The following HDDC2 variants were observed in gnomAD, a reference collection of about 807,000 sequenced individuals.
HDDC2 encodes the protein 5'-deoxynucleotidase HDDC2.
Under a neutral mutation model 25.5 loss-of-function variants are expected in HDDC2, and 25 were observed. The ratio of observed to expected loss-of-function variants is 0.98; its 90% confidence interval spans 0.72 to 1.37. The LOEUF is 1.37. Ranked by LOEUF, HDDC2 falls within the 40% of genes most tolerant of loss-of-function variation. HDDC2 has a pLI of 0.00. For synonymous variants in HDDC2, 106 were observed against 89.7 expected (o/e 1.18, Z -1.03); for missense variants, 264 against 253.1 (o/e 1.04, Z -0.29).
intron 3 of HDDC2, among the ~76,000 whole-genome samples, chr6:125,295,220 G>C (rs1798691811): frequency 6.6e-6 from 1 of 152,188 alleles, no homozygotes. Context: ...TAGATTTAGA[G>C]TGACAGCTTC....
chr6:125,301,737 G>C (rs940452904), intron 1 of HDDC2, 112 bp downstream of exon 1: 94 of 723,908 alleles, frequency 1.3e-4, no homozygotes, highest in Non-Finnish European at 1.9e-4. Context: ...TCGGCGTGGC[G>C]GACGCGGCGC....
chr6:125,283,589 C>T (rs567842145), intron 4 of HDDC2, among the ~76,000 whole-genome samples: 1 of 152,026 alleles, frequency 6.6e-6, no homozygotes, highest in African/African-American at 2.4e-5. Context: ...GAATAAAATA[C>T]CTAGGAATAT....
chr6:125,286,909 G>A (rs2115107424), intron 4 of HDDC2, among the ~76,000 whole-genome samples: 1 of 152,268 alleles, frequency 6.6e-6, no homozygotes, highest in South Asian at 2.1e-4. Flanking sequence ...AAGCCCCAAA[G>A]TATTAAGGGA....
At chr6:125,287,704 C>T (rs925170849) in intron 4 of HDDC2, among the ~76,000 whole-genome samples, 5 of 151,980 alleles carry the variant, frequency 3.3e-5, no homozygotes, top group African/African-American at 4.8e-5. Flanking sequence ...AAAAGAAGGC[C>T]GAGGACATGG....
At position 125,298,837 on chromosome 6, in the gene HDDC2, G is replaced by A. The variant is rs762924063; in HGVS notation, c.207-21C>T. ...CACATCTGATCAGGCAAGAAATGTC[G>A]AATAATTACACAGAATTATATTTAC... On this transcript the variant is annotated intron_variant, in intron 2 of 5. Coordinates refer to ENST00000398153, the MANE Select transcript of HDDC2 (RefSeq NM_016063.3). 51 of 1,510,696 alleles carry A rather than the reference G, an allele frequency of 3.4e-5. 1 individual carries two copies. Among genetic ancestry groups the A allele is most frequent in the South Asian group, 2.9e-4 (26 of 88,926 alleles). 93.6% of individuals were successfully genotyped at this position (1,510,696 alleles called of 1,614,324 possible).
intron 4 of HDDC2, among the ~76,000 whole-genome samples, chr6:125,285,601 A>G (rs1798522728): frequency 1.3e-5 from 2 of 152,156 alleles, no homozygotes; most frequent in African/African-American, 4.8e-5. Flanking sequence ...AAAAAAGAAT[A>G]GCAAAGCAAA....
intron 1 of HDDC2, 149 bp from the exon 2 acceptor site, chr6:125,300,808 T>C: frequency 1.4e-6 from 1 of 711,420 alleles, no homozygotes; most frequent in East Asian, 2.8e-5. Flanking sequence ...CTAGCTAAAA[T>C]GATAGACATC....
At chr6:125,296,874 T>C (rs73772434) in intron 3 of HDDC2, among the ~76,000 whole-genome samples, 2,920 of 152,296 alleles carry the variant, frequency 0.019, 88 homozygotes, top group African/African-American at 0.067. Flanking sequence ...TCGTAGGTCC[T>C]CCTCACTTCC....
chr6:125,297,596 GTC>G (rs1394679480), intron 3 of HDDC2: 6 of 395,796 alleles, frequency 1.5e-5, no homozygotes, highest in Non-Finnish European at 2.6e-5. Flanking sequence ...ACAGTCTGAT[GTC>G]TCTTTCTTTT....
At chr6:125,286,953 T>C (rs1454755648) in intron 4 of HDDC2, among the ~76,000 whole-genome samples, 5 of 152,196 alleles carry the variant, frequency 3.3e-5, no homozygotes. Context: ...CATTATGTGG[T>C]GCATGACAAA....
intron 4 of HDDC2, among the ~76,000 whole-genome samples, chr6:125,284,186 G>C (rs570684283): frequency 6.6e-6 from 1 of 152,134 alleles, no homozygotes; most frequent in Non-Finnish European, 1.5e-5. Context: ...AGATTTAAAC[G>C]TAAGACCTAA....
rs552940538 is a variant in HDDC2 at position 125,281,990 on chromosome 6, A to G, written c.379-4750T>C. On this transcript the variant is annotated intron_variant, in intron 4 of 5. Coordinates refer to ENST00000398153, the MANE Select transcript of HDDC2 (RefSeq NM_016063.3). ...CCACAAAGGGAAGCCCATCAGACTA[A>G]CAGCAGATCTCTCTACAGAAATCCT... Among the ~76,000 whole-genome samples the G allele has an allele frequency of 3.3e-3, 508 of 152,340 alleles. 3 individuals carry two copies. The highest frequency in any genetic ancestry group is 0.012 in the African/African-American group (497 of 41,584).
chr6:125,279,422 G>A (rs951151975), intron 4 of HDDC2: 1 of 151,942 alleles, frequency 6.6e-6, no homozygotes, highest in Non-Finnish European at 1.5e-5. Flanking sequence ...AAACCAGGAG[G>A]ACATCTCTAA....
intron 5 of HDDC2, chr6:125,276,822 C>A (rs191367452): frequency 2.4e-6 from 1 of 421,216 alleles, no homozygotes; most frequent in Non-Finnish European, 4.3e-6. Flanking sequence ...ATGTCCATGA[C>A]GGCTAGCATG....
In HDDC2 at chr6:125,301,482, G is replaced by GCACACACACGCGCACACACACACACA. The variant is rs1412473241; in HGVS notation, c.84+366_84+367insTGTGTGTGTGTGTGCGCGTGTGTGTG. 3.0e-4 allele frequency among the ~76,000 whole-genome samples: 36 copies of GCACACACACGCGCACACACACACACA among 120,416 alleles called. 1 individual carries two copies. The highest frequency in any genetic ancestry group is 1.2e-3 in the African/African-American group (36 of 29,726). The allele number at this position is 120,416 out of a possible 152,430, so 79.0% of individuals were successfully genotyped here. A position where few individuals can be genotyped will look rare whatever the true frequency, so the allele number is the denominator to read the frequency against. On this transcript the variant is annotated intron_variant, in intron 1 of 5. Coordinates refer to ENST00000398153, the MANE Select transcript of HDDC2 (RefSeq NM_016063.3). ...ACACACACGAGTTCTGGGGTCGTGA[G>GCACACACACGCGCACACACACACACA]CACACACACACACACACACACACAC...
chr6:125,295,900 T>C lies in HDDC2; in HGVS notation c.309+2814A>G, dbSNP rs184982940. Among the ~76,000 whole-genome samples the C allele has an allele frequency of 1.7e-4, 26 of 152,290 alleles. No homozygotes were observed. The East Asian group carries it at 5.0e-3, about 29-fold the overall frequency. On this transcript the variant is annotated intron_variant, in intron 3 of 5. Coordinates refer to ENST00000398153, the MANE Select transcript of HDDC2 (RefSeq NM_016063.3). ...TATCAACCTGCATTATCAACCTGCA[T>C]AATATCAAGTGTATGTTAATATGTT... is the stretch of plus-strand genomic sequence containing the variant.
intron 3 of HDDC2, among the ~76,000 whole-genome samples, chr6:125,294,716 C>T (rs1198184895): frequency 1.3e-5 from 2 of 152,154 alleles, no homozygotes; most frequent in African/African-American, 2.4e-5. Context: ...TAAAATGACA[C>T]ACCTAGAACT....
At position 125,275,911 on chromosome 6, in the gene HDDC2, T is replaced by C; in HGVS notation, c.*235A>G. The C allele has an allele frequency of 2.0e-6, 1 of 502,168 alleles. No homozygotes were observed. 31.1% of individuals were successfully genotyped at this position (502,168 alleles called of 1,614,324 possible). A position where few individuals can be genotyped will look rare whatever the true frequency, so the allele number is the denominator to read the frequency against. ...AGGTGTTTAATATTTATTTATTTAG[T>C]TCATAAACAGGCACTGCCACCTCCA... On this transcript the variant is annotated 3_prime_UTR_variant, in exon 6 of 6. Coordinates refer to ENST00000398153, the MANE Select transcript of HDDC2 (RefSeq NM_016063.3).
intron 5 of HDDC2, chr6:125,276,752 C>A (rs1798376017): frequency 3.3e-6 from 1 of 299,738 alleles, no homozygotes; most frequent in East Asian, 7.6e-5. Context: ...TGCTGTCATC[C>A]CTGCTCCTCA....
Sources: allele counts gnomAD v4.1 joint callset (sites outside exome capture counted in the v4.1 genomes callset), GRCh38; gene constraint gnomAD v4.1.1; transcripts MANE v1.5; gene names NCBI Gene and HGNC (gene_info 2026-07-23, HGNC 2026-07-21).